PARP4: variants seen among roughly 807,000 people sequenced by gnomAD.
PARP4 encodes the protein poly(ADP-ribose) polymerase family member 4.
Under a neutral mutation model 187.7 loss-of-function variants are expected in PARP4, and 120 were observed. The observed-to-expected ratio is 0.64, with a 90% CI of 0.55 to 0.74. The LOEUF (loss-of-function observed/expected upper bound fraction) is 0.74, where lower values mean the gene tolerates loss of function less well. Ranked by LOEUF, PARP4 falls within the 30% of genes least tolerant of loss-of-function variation. The pLI, the probability that PARP4 is intolerant of heterozygous loss-of-function variation, is 0.00. For synonymous variants in PARP4, 654 were observed against 740.9 expected, an observed-to-expected ratio of 0.88 and a Z score of 1.90; for missense variants, 1,836 against 2,070.5, an observed-to-expected ratio of 0.89 and a Z score of 2.20.
At chr13:24,493,793 T>C in intron 7 of PARP4, 60 bp from the exon 8 acceptor site, 1 of 1,535,182 alleles carries the variant, frequency 6.5e-7, no homozygotes, top group Non-Finnish European at 9.0e-7. Flanking sequence ...TGTGTAAAAC[T>C]TACATGGGCC....
intron 20 of PARP4, among the ~76,000 whole-genome samples, chr13:24,458,159 G>C (rs898733712): frequency 2.6e-5 from 4 of 151,236 alleles, no homozygotes; most frequent in African/African-American, 9.7e-5. Context: ...GCCCAGGCTG[G>C]AGTGCAGTGG....
chr13:24,434,195 A>T (rs975252557), intron 31 of PARP4, among the ~76,000 whole-genome samples, 200 bp downstream of exon 31: 5 of 152,148 alleles, frequency 3.3e-5, no homozygotes, highest in African/African-American at 9.7e-5. Flanking sequence ...CATCAAGCAC[A>T]CTGTTTTGTT....
chr13:24,506,410 T>C (rs967467362), intron 1 of PARP4, among the ~76,000 whole-genome samples: 1 of 152,122 alleles, frequency 6.6e-6, no homozygotes. Flanking sequence ...CCCCAGCAGG[T>C]TGCCACTGCT....
In PARP4 at chr13:24,490,784, T is replaced by C. The variant is rs145297108; in HGVS notation, c.1098A>G (p.Lys366=). 4.0e-5 allele frequency: 65 copies of C among 1,613,954 alleles called. No individual in the cohort carries two copies. In the African/African-American group the frequency reaches 7.5e-4, roughly 19 times the overall value. The change falls in exon 10 of 34, where the codon AAA becomes AAG. Residue 366 remains lysine (K), a synonymous_variant. Coordinates refer to ENST00000381989, the MANE Select transcript of PARP4 (RefSeq NM_006437.4). ...MVNVCETNLS[K]PNPPSLAKYR... ...ATTTGGCCAGGGATGGTGGGTTGGG[T>C]TTGGACAAATTAGTTTCACAGACAT...
intron 12 of PARP4, among the ~76,000 whole-genome samples, chr13:24,480,354 CA>C (rs1169505480): frequency 6.6e-6 from 1 of 152,152 alleles, no homozygotes; most frequent in Non-Finnish European, 1.5e-5. Context: ...GAAATTAGGC[CA>C]ATTAATAATA....
chr13:24,494,600 G>A lies in PARP4; in HGVS notation c.714C>T (p.Thr238=), dbSNP rs376170825. The stretch of plus-strand genomic sequence containing the variant: ...CTTGCAATTGTTCAGATGCTAATTG[G>A]GTTGCTTCAGGTGTGAAATGTTCTC... ...LLREHFTPEA[T]QLASEQLQAL... The change falls in exon 7 of 34, where the codon ACC becomes ACT. Residue 238 remains threonine (T), a synonymous_variant. Transcript: ENST00000381989. 1.8e-5 allele frequency: 29 copies of A among 1,608,876 alleles called. No individual in the cohort carries two copies. Among genetic ancestry groups the A allele is most frequent in the African/African-American group, 2.7e-5 (2 of 74,698 alleles).
chr13:24,461,542 G>T (rs1022280465), intron 17 of PARP4, among the ~76,000 whole-genome samples: 3 of 152,182 alleles, frequency 2.0e-5, no homozygotes, highest in African/African-American at 4.8e-5. Flanking sequence ...GCTGAGAGTG[G>T]GTAAGCTTAC....
chr13:24,434,604 A>G lies in PARP4; in HGVS notation c.4537T>C (p.Cys1513Arg), dbSNP rs868340133. Residue 1513 changes from cysteine to arginine, a missense_variant, in exon 31 of 34, where the codon TGT (cysteine) becomes CGT (arginine). Cys to Arg is a radical substitution (Grantham distance 180, BLOSUM62 -3). Coordinates refer to ENST00000381989, the MANE Select transcript of PARP4 (RefSeq NM_006437.4). ...ESVGSLEGSRCPVFAFQSSDT... is the reference protein window; with the variant it reads ...ESVGSLEGSRRPVFAFQSSDT... Reference sequence around the variant, plus strand: ...GAACTTTGAAAAGCAAAGACAGGACATCGACTTCCTTCGAGACTGCCTACT... The same window carrying G: ...GAACTTTGAAAAGCAAAGACAGGACGTCGACTTCCTTCGAGACTGCCTACT... The G allele has an allele frequency of 2.5e-6, 4 of 1,612,374 alleles. No individual in the cohort carries two copies. The highest frequency in any genetic ancestry group is 1.7e-4 in the Middle Eastern group (1 of 6,058).
At chr13:24,463,495 T>C (rs1872309150) in intron 17 of PARP4, among the ~76,000 whole-genome samples, 1 of 152,176 alleles carries the variant, frequency 6.6e-6, no homozygotes, top group Admixed American at 6.5e-5. Context: ...TTATTTTTAA[T>C]TGCTTTAAAA....
intron 17 of PARP4, among the ~76,000 whole-genome samples, chr13:24,461,040 GC>G (rs1221350819): frequency 6.6e-6 from 1 of 152,068 alleles, no homozygotes; most frequent in African/African-American, 2.4e-5. Context: ...ATATAAGGTG[GC>G]AACCCCATGA....
At chr13:24,478,838 T>C (rs1410078048) in intron 12 of PARP4, among the ~76,000 whole-genome samples, 2 of 152,254 alleles carry the variant, frequency 1.3e-5, no homozygotes, top group African/African-American at 4.8e-5. Context: ...ACTGTTCTCC[T>C]AAATCTTTGT....
chr13:24,476,315 G>A (rs543672529), intron 14 of PARP4, among the ~76,000 whole-genome samples: 1 of 152,174 alleles, frequency 6.6e-6, no homozygotes, highest in Admixed American at 6.5e-5. Context: ...TGAAAACACA[G>A]CATTACTTGA....
chr13:24,489,248 C>G (rs1868490261), intron 10 of PARP4, among the ~76,000 whole-genome samples: 1 of 152,160 alleles, frequency 6.6e-6, no homozygotes, highest in African/African-American at 2.4e-5. Flanking sequence ...ATTTTTCCCT[C>G]CCATCAGCAA....
chr13:24,475,336 G>T, intron 15 of PARP4, 136 bp downstream of exon 15: 4 of 823,976 alleles, frequency 4.9e-6, no homozygotes, highest in Non-Finnish European at 5.8e-6. Flanking sequence ...GGCATGGAGT[G>T]CTCAGTGAAT....
chr13:24,481,774 T>A (rs1298515423), intron 12 of PARP4, among the ~76,000 whole-genome samples: 1 of 152,196 alleles, frequency 6.6e-6, no homozygotes, highest in Non-Finnish European at 1.5e-5. Context: ...GATGATCACT[T>A]GAGTTCAGCA....
intron 30 of PARP4, among the ~76,000 whole-genome samples, chr13:24,438,892 T>C (rs1195425766): frequency 1.3e-5 from 2 of 152,170 alleles, no homozygotes; most frequent in Admixed American, 6.5e-5. Flanking sequence ...CCGTGTAGAA[T>C]GCGGCAGGTG....
chr13:24,455,276 T>G (rs1277755031), intron 21 of PARP4, 64 bp from the exon 22 acceptor site: 1 of 1,263,290 alleles, frequency 7.9e-7, no homozygotes, highest in Non-Finnish European at 1.1e-6. Context: ...AAGGTCTACT[T>G]AGAAAACTCC....
At position 24,431,475 on chromosome 13, in the gene PARP4, T is replaced by C; in HGVS notation, c.4748A>G (p.Asp1583Gly). 2 of 1,563,696 alleles carry C rather than the reference T, an allele frequency of 1.3e-6. No individual in the cohort carries two copies. The highest frequency in any genetic ancestry group is 8.7e-7 in the Non-Finnish European group (1 of 1,148,032). ...TTCTGGTGTAAGTTTCCAGAAGCCA[T>C]CCTACAAAATTAAGGAAACAAAAAT... is the stretch of plus-strand genomic sequence containing the variant. ...WTELLSLQTE[D>G]GFWKLTPELG... The change falls in exon 32 of 34, where the codon GAT becomes GGT. Residue 1583 changes from aspartate (D) to glycine (G), a missense_variant and splice_region_variant. Asp to Gly is a moderately conservative substitution (Grantham distance 94). Around this residue, in one of 8 missense-constraint regions of PARP4, gnomAD observed 450 missense variants for 439.2 expected, o/e 1.02. Coordinates refer to ENST00000381989, the MANE Select transcript of PARP4 (RefSeq NM_006437.4).
In PARP4 at chr13:24,490,965, G is replaced by C. The variant is rs931626409; in HGVS notation, c.1054-137C>G. 6 of 783,686 alleles carry C rather than the reference G, an allele frequency of 7.7e-6. No homozygotes were observed. The Admixed American group carries it at 1.4e-4, about 18-fold the overall frequency. 48.5% of individuals were successfully genotyped at this position (783,686 alleles called of 1,614,324 possible). On this transcript the variant is annotated intron_variant, in intron 9 of 33. Coordinates refer to ENST00000381989, the MANE Select transcript of PARP4 (RefSeq NM_006437.4). Reference sequence around the variant, plus strand: ...CTTGTTTTACTTTATTTATTTTTGAGATGGGTCTTGCTCTCACCCACGCTG... The same window carrying C: ...CTTGTTTTACTTTATTTATTTTTGACATGGGTCTTGCTCTCACCCACGCTG...
Sources: gnomAD v4.1 joint callset for allele counts (sites outside exome capture counted in the v4.1 genomes callset) on GRCh38, gnomAD v4.1.1 for gene constraint, gnomAD v4.1.1 regional missense constraint, MANE v1.5 for transcripts, NCBI Gene and HGNC (gene_info 2026-07-23, HGNC 2026-07-21) for gene names.